The following TNKS variants were observed in gnomAD, a reference collection of about 807,000 sequenced individuals.
TNKS encodes poly [ADP-ribose] polymerase tankyrase-1.
In TNKS, 72 loss-of-function variants were observed where a neutral mutation model predicts 135.8. That is an observed-to-expected ratio of 0.53 (90% CI 0.44 to 0.64). The LOEUF (loss-of-function observed/expected upper bound fraction) is 0.64, where lower values mean the gene tolerates loss of function less well. TNKS is among the 30% of genes least tolerant of loss of function. TNKS has a pLI of 0.00. For missense variants in TNKS, 1,769 were observed against 1,674.0 expected, an observed-to-expected ratio of 1.06 and a Z score of -0.99; for synonymous variants, 849 against 649.3, an observed-to-expected ratio of 1.31 and a Z score of -4.68.
At chr8:9,648,496 CT>C (rs1801004453) in intron 3 of TNKS, among the ~76,000 whole-genome samples, 2 of 152,144 alleles carry the variant, frequency 1.3e-5, no homozygotes, top group African/African-American at 4.8e-5. Context: ...TGGCTTTCCC[CT>C]CCCCATGCCG....
chr8:9,713,014 A>T (rs1585363180), intron 11 of TNKS, among the ~76,000 whole-genome samples: 1 of 152,324 alleles, frequency 6.6e-6, no homozygotes, highest in South Asian at 2.1e-4. Flanking sequence ...TTTACAAAGA[A>T]ATTCATATAT....
intron 21 of TNKS, among the ~76,000 whole-genome samples, chr8:9,762,580 T>C (rs1585432990): frequency 6.6e-6 from 1 of 152,298 alleles, no homozygotes; most frequent in Non-Finnish European, 1.5e-5. Context: ...TGTTGAACTC[T>C]GCAGTCTGTA....
intron 13 of TNKS, among the ~76,000 whole-genome samples, chr8:9,727,190 C>T (rs1345298147): frequency 6.6e-6 from 1 of 152,190 alleles, no homozygotes; most frequent in African/African-American, 2.4e-5. Context: ...GATCCCTCAA[C>T]AGTGGAATTA....
chr8:9,762,895 G>C (rs991005172), intron 21 of TNKS, among the ~76,000 whole-genome samples: 3 of 139,188 alleles, frequency 2.2e-5, no homozygotes, highest in African/African-American at 8.1e-5. Context: ...ACAGAGCGAG[G>C]CTCCGTCTCA....
chr8:9,578,382 C>G (rs1798039750), intron 1 of TNKS, among the ~76,000 whole-genome samples: 1 of 152,222 alleles, frequency 6.6e-6, no homozygotes, highest in Admixed American at 6.5e-5. Context: ...ACCAGGAACC[C>G]TGGTAAGATG....
Position 9,675,942 on chromosome 8 carries a change from A to T in TNKS, c.995-4009A>T, listed in dbSNP as rs138616585. ...TCAAATGACATTCCTCTACTTTTAT[A>T]TAATGCAAAGTGTTACTGATAGGTT... On this transcript the variant is annotated intron_variant, in intron 3 of 26. Coordinates refer to ENST00000310430, the MANE Select transcript of TNKS (RefSeq NM_003747.3). Among the ~76,000 whole-genome samples the T allele has an allele frequency of 1.8e-3, 271 of 151,670 alleles. 3 individuals carry two copies. Among genetic ancestry groups the T allele is most frequent in the African/African-American group, 6.1e-3 (252 of 41,076 alleles).
chr8:9,566,883 C>G (rs1226987409), intron 1 of TNKS, among the ~76,000 whole-genome samples: 1 of 152,056 alleles, frequency 6.6e-6, no homozygotes, highest in Non-Finnish European at 1.5e-5. Context: ...GCTGGGATTA[C>G]AGGCGTGAGC....
At chr8:9,698,472 C>T (rs1020561543) in intron 5 of TNKS, among the ~76,000 whole-genome samples, 9 of 149,948 alleles carry the variant, frequency 6.0e-5, no homozygotes, top group Admixed American at 2.0e-4. Flanking sequence ...TGATAAATAC[C>T]GTATTATGTA....
At position 9,754,238 on chromosome 8, in the gene TNKS, A is replaced by G. The variant is rs145004492; in HGVS notation, c.3153+1612A>G. On this transcript the variant is annotated intron_variant, in intron 20 of 26. Transcript: ENST00000310430. ...GGGCCACCATTCAGCCCACTACAAC[A>G]TAATATGGCCCTAGATATCTTTTTA... 4.6e-4 allele frequency among the ~76,000 whole-genome samples: 70 copies of G among 152,336 alleles called. 1 individual carries two copies. The East Asian group carries it at 7.3e-3, about 16-fold the overall frequency.
chr8:9,634,237 A>C (rs976324962), intron 3 of TNKS, among the ~76,000 whole-genome samples: 4 of 152,008 alleles, frequency 2.6e-5, no homozygotes, highest in African/African-American at 9.7e-5. Flanking sequence ...GTATAATTTT[A>C]ATTTCTGGAG....
intron 2 of TNKS, among the ~76,000 whole-genome samples, chr8:9,584,081 G>A (rs1423164907): frequency 1.3e-5 from 2 of 150,492 alleles, no homozygotes; most frequent in Non-Finnish European, 3.0e-5. Flanking sequence ...GGAGAATGGC[G>A]TGAACCCGGG....
chr8:9,639,334 G>A (rs1345874731), intron 3 of TNKS, among the ~76,000 whole-genome samples: 3 of 152,072 alleles, frequency 2.0e-5, no homozygotes, highest in South Asian at 2.1e-4. Context: ...CATAAGGAGA[G>A]TAGCTTATGA....
chr8:9,642,301 T>C (rs1800759449), intron 3 of TNKS, among the ~76,000 whole-genome samples: 1 of 146,738 alleles, frequency 6.8e-6, no homozygotes, highest in Non-Finnish European at 1.5e-5. Flanking sequence ...AGAATAGTTT[T>C]TAGTATTTGA....
intron 3 of TNKS, among the ~76,000 whole-genome samples, chr8:9,620,086 A>T (rs1053423454): frequency 6.6e-6 from 1 of 151,696 alleles, no homozygotes; most frequent in African/African-American, 2.4e-5. Flanking sequence ...AGTAGCTGGG[A>T]CTATAGGCAG....
intron 3 of TNKS, among the ~76,000 whole-genome samples, chr8:9,624,704 T>C (rs1018955839): frequency 5.9e-5 from 9 of 152,176 alleles, no homozygotes; most frequent in African/African-American, 2.2e-4. Flanking sequence ...TTTCCTTTTA[T>C]TTTCTGGAAG....
chr8:9,665,972 C>CT (rs1208484266), intron 3 of TNKS, among the ~76,000 whole-genome samples: 2 of 152,166 alleles, frequency 1.3e-5, no homozygotes, highest in Non-Finnish European at 2.9e-5. Flanking sequence ...CTCCCCTCCT[C>CT]TTTTTTTCTC....
chr8:9,645,581 C>T (rs1800891035), intron 3 of TNKS, among the ~76,000 whole-genome samples: 1 of 151,982 alleles, frequency 6.6e-6, no homozygotes, highest in African/African-American at 2.4e-5. Flanking sequence ...CCTCAGATTC[C>T]AGGTATATTA....
intron 5 of TNKS, among the ~76,000 whole-genome samples, chr8:9,702,350 C>G (rs1364465308): frequency 6.6e-6 from 1 of 151,972 alleles, no homozygotes; most frequent in African/African-American, 2.4e-5. Context: ...GAAAACTATA[C>G]CAAGGCACAT....
At chr8:9,677,357 C>CT (rs1245187857) in intron 3 of TNKS, among the ~76,000 whole-genome samples, 2 of 152,112 alleles carry the variant, frequency 1.3e-5, no homozygotes, top group African/African-American at 4.8e-5. Context: ...AAAAATGTGC[C>CT]TTTTGGTGAA....
Sources: gnomAD v4.1 joint callset for allele counts (sites outside exome capture counted in the v4.1 genomes callset) on GRCh38, gnomAD v4.1.1 for gene constraint, MANE v1.5 for transcripts, NCBI Gene and HGNC (gene_info 2026-07-23, HGNC 2026-07-21) for gene names.